PPP6R3: variants seen among roughly 807,000 people sequenced by gnomAD.
The protein encoded by PPP6R3 is serine/threonine-protein phosphatase 6 regulatory subunit 3.
In PPP6R3, 38 loss-of-function variants were observed where a neutral mutation model predicts 110.7. That is an observed-to-expected ratio of 0.34 (90% CI 0.26 to 0.45). PPP6R3 has a LOEUF of 0.45. Ranked by LOEUF, PPP6R3 falls within the 20% of genes least tolerant of loss-of-function variation. The pLI is 1.00. For synonymous variants in PPP6R3, 369 were observed against 373.5 expected (o/e 0.99, Z 0.14); for missense variants, 870 against 1,062.4 (o/e 0.82, Z 2.52).
chr11:68,472,116 A>G (rs1301083899), intron 1 of PPP6R3, among the ~76,000 whole-genome samples: 2 of 152,076 alleles, frequency 1.3e-5, no homozygotes, highest in Non-Finnish European at 2.9e-5. Context: ...TTTTTCCTGG[A>G]AGGAGAGTAG....
chr11:68,492,235 C>T (rs568869577), intron 1 of PPP6R3, among the ~76,000 whole-genome samples: 6 of 152,274 alleles, frequency 3.9e-5, no homozygotes, highest in African/African-American at 1.4e-4. Flanking sequence ...TAGCTCACTG[C>T]AACCTCATAC....
intron 18 of PPP6R3, among the ~76,000 whole-genome samples, chr11:68,592,915 G>C (rs558180593): frequency 6.6e-6 from 1 of 152,326 alleles, no homozygotes; most frequent in African/African-American, 2.4e-5. Flanking sequence ...AGCACCACGT[G>C]TGGAAGGCAC....
chr11:68,472,611 C>G (rs973062759), intron 1 of PPP6R3, among the ~76,000 whole-genome samples: 1 of 151,218 alleles, frequency 6.6e-6, no homozygotes, highest in South Asian at 2.1e-4. Flanking sequence ...AAACTTATAT[C>G]TCGGGGTTTT....
At chr11:68,485,968 G>T (rs2098944344) in intron 1 of PPP6R3, among the ~76,000 whole-genome samples, 1 of 151,058 alleles carries the variant, frequency 6.6e-6, no homozygotes, top group Admixed American at 6.6e-5. Flanking sequence ...CCAGGAGTTT[G>T]AGACCAGCCT....
chr11:68,610,141 T>G, intron 23 of PPP6R3, 118 bp downstream of exon 23: 1 of 1,374,698 alleles, frequency 7.3e-7, no homozygotes, highest in Non-Finnish European at 9.7e-7. Context: ...CTTAGGCCGC[T>G]GACCTGGCAG....
intron 5 of PPP6R3, 179 bp from the exon 6 acceptor site, chr11:68,550,942 C>G (rs2099369440): frequency 1.1e-5 from 6 of 546,430 alleles, no homozygotes; most frequent in Non-Finnish European, 1.9e-5. Flanking sequence ...ATTGTTAAAA[C>G]AATATATTCA....
chr11:68,473,615 A>C (rs542125546), intron 1 of PPP6R3, among the ~76,000 whole-genome samples: 1 of 152,204 alleles, frequency 6.6e-6, no homozygotes, highest in African/African-American at 2.4e-5. Flanking sequence ...AGTCGAGGGC[A>C]GTCTTGTGGG....
At chr11:68,490,067 G>A (rs909567168) in intron 1 of PPP6R3, among the ~76,000 whole-genome samples, 6 of 152,034 alleles carry the variant, frequency 3.9e-5, no homozygotes, top group African/African-American at 1.4e-4. Flanking sequence ...TCCCTCTCCA[G>A]TCCTCTAATC....
intron 1 of PPP6R3, among the ~76,000 whole-genome samples, chr11:68,505,938 G>A (rs1208644827): frequency 6.6e-6 from 1 of 152,082 alleles, no homozygotes; most frequent in East Asian, 1.9e-4. Flanking sequence ...CTTGGAGCTT[G>A]GGATAGTGCT....
At chr11:68,605,388 C>T (rs1243359667) in intron 22 of PPP6R3, among the ~76,000 whole-genome samples, 1 of 152,058 alleles carries the variant, frequency 6.6e-6, no homozygotes, top group Non-Finnish European at 1.5e-5. Flanking sequence ...CAAAGAGACC[C>T]CCTCCACTAC....
intron 1 of PPP6R3, among the ~76,000 whole-genome samples, chr11:68,477,283 G>C (rs960948148): frequency 6.6e-6 from 1 of 151,962 alleles, no homozygotes; most frequent in Non-Finnish European, 1.5e-5. Flanking sequence ...GGATGTCCCT[G>C]ACTTGCCATA....
chr11:68,509,993 T>G (rs2099100471), intron 1 of PPP6R3, among the ~76,000 whole-genome samples: 1 of 149,760 alleles, frequency 6.7e-6, no homozygotes, highest in South Asian at 2.1e-4. Context: ...CCTGAGGTGA[T>G]CCACCTGATT....
intron 12 of PPP6R3, 130 bp downstream of exon 12, chr11:68,571,234 T>C (rs762325157): frequency 2.4e-6 from 3 of 1,237,726 alleles, no homozygotes; most frequent in Non-Finnish European, 3.2e-6. Context: ...TTTAAACTTT[T>C]CCCCAGATTA....
chr11:68,472,663 C>G (rs932326221), intron 1 of PPP6R3, among the ~76,000 whole-genome samples: 3 of 151,424 alleles, frequency 2.0e-5, no homozygotes, highest in African/African-American at 7.3e-5. Context: ...AATTCACAGA[C>G]TATTCAATTG....
At chr11:68,495,175 C>G (rs1030156146) in intron 1 of PPP6R3, among the ~76,000 whole-genome samples, 1 of 152,142 alleles carries the variant, frequency 6.6e-6, no homozygotes, top group Non-Finnish European at 1.5e-5. Flanking sequence ...CTCTCCAGCT[C>G]AGATTATTTG....
rs148859068 is a variant in PPP6R3, at chr11:68,491,665, G to T, written c.-157-27836G>T. On this transcript the variant is annotated intron_variant, in intron 1 of 23. Transcript: ENST00000393800. ...AGTCCCAGCCCATTTTAACTGTTTG[G>T]AGTGTACCGTTCAGTGGCATTAAAT... Among the ~76,000 whole-genome samples the T allele has an allele frequency of 3.4e-3, 521 of 152,062 alleles. 6 individuals carry two copies. Among genetic ancestry groups the T allele is most frequent in the African/African-American group, 0.012 (498 of 41,472 alleles).
At chr11:68,499,313 C>G (rs1003590907) in intron 1 of PPP6R3, among the ~76,000 whole-genome samples, 1 of 152,028 alleles carries the variant, frequency 6.6e-6, no homozygotes, top group East Asian at 1.9e-4. Context: ...AGGATCTGTT[C>G]TAAGGTGGCT....
intron 1 of PPP6R3, among the ~76,000 whole-genome samples, chr11:68,497,089 C>T (rs2153462494): frequency 6.6e-6 from 1 of 151,576 alleles, no homozygotes; most frequent in Admixed American, 6.6e-5. Context: ...CTCTTTCACC[C>T]AGGCGGGAGT....
intron 1 of PPP6R3, among the ~76,000 whole-genome samples, chr11:68,498,638 T>A (rs1244910441): frequency 2.0e-5 from 3 of 152,246 alleles, no homozygotes; most frequent in Non-Finnish European, 4.4e-5. Context: ...TGGCATTGTT[T>A]GTAAAATTAC....
Sources: allele counts gnomAD v4.1 joint callset (sites outside exome capture counted in the v4.1 genomes callset), GRCh38; gene constraint gnomAD v4.1.1; transcripts MANE v1.5; gene names NCBI Gene and HGNC (gene_info 2026-07-23, HGNC 2026-07-21).